The following TNKS variants were observed in gnomAD, a reference collection of about 807,000 sequenced individuals.
The protein encoded by TNKS is tankyrase.
Under a neutral mutation model 135.8 loss-of-function variants are expected in TNKS, and 72 were observed. That is an observed-to-expected ratio of 0.53 (90% CI 0.44 to 0.64). The LOEUF (loss-of-function observed/expected upper bound fraction) is 0.64, where lower values mean the gene tolerates loss of function less well. Among genes scored for constraint, TNKS ranks in the 30% least tolerant of loss-of-function variants. TNKS has a pLI of 0.00. For synonymous variants in TNKS, 849 were observed against 649.3 expected (o/e 1.31, Z -4.68); for missense variants, 1,769 against 1,674.0 (o/e 1.06, Z -0.99).
intron 3 of TNKS, among the ~76,000 whole-genome samples, chr8:9,671,989 G>T (rs1802289472): frequency 6.6e-6 from 1 of 152,150 alleles, no homozygotes; most frequent in South Asian, 2.1e-4. Context: ...TTTGTCCATA[G>T]ATCCATGCTG....
rs1808343587 is a variant in TNKS, at chr8:9,778,779, C to T, written c.*2043C>T. The T allele has an allele frequency of 1.3e-5, 2 of 152,150 alleles. No individual in the cohort carries two copies. Among genetic ancestry groups the T allele is most frequent in the African/African-American group, 2.4e-5 (1 of 41,390 alleles). The allele number at this position is 152,150 out of a possible 1,614,324, so 9.4% of individuals were successfully genotyped here. On this transcript the variant is annotated 3_prime_UTR_variant, in exon 27 of 27. Coordinates refer to ENST00000310430, the MANE Select transcript of TNKS (RefSeq NM_003747.3). Reference sequence around the variant, plus strand: ...TGTCAAGTGTGTCTTACTTACCTTCCCCCAGACGTAGTTTAAAATGGTAAA... The same window carrying T: ...TGTCAAGTGTGTCTTACTTACCTTCTCCCAGACGTAGTTTAAAATGGTAAA...
chr8:9,578,397 CAG>C (rs1563398089), intron 1 of TNKS, among the ~76,000 whole-genome samples: 2 of 152,224 alleles, frequency 1.3e-5, no homozygotes, highest in African/African-American at 4.8e-5. Flanking sequence ...AAGATGCTGA[CAG>C]TTTACTTGAG....
At chr8:9,683,898 T>C (rs1356739843) in intron 5 of TNKS, among the ~76,000 whole-genome samples, 2 of 152,002 alleles carry the variant, frequency 1.3e-5, no homozygotes, top group East Asian at 1.9e-4. Flanking sequence ...TATGCTTTTA[T>C]TTTACACATA....
intron 5 of TNKS, among the ~76,000 whole-genome samples, chr8:9,702,758 G>A (rs1803868246): frequency 6.6e-6 from 1 of 152,216 alleles, no homozygotes; most frequent in African/African-American, 2.4e-5. Context: ...GCTCACGCCT[G>A]TAATCCCAGC....
intron 5 of TNKS, among the ~76,000 whole-genome samples, chr8:9,687,604 G>C (rs1261693487): frequency 1.3e-5 from 2 of 152,178 alleles, no homozygotes; most frequent in African/African-American, 4.8e-5. Flanking sequence ...CTCTGCTGGA[G>C]AAATGAATTT....
At chr8:9,709,933 C>CT (rs756139840) in intron 9 of TNKS, 22 bp from the exon 10 acceptor site, 16 of 1,592,418 alleles carry the variant, frequency 1.0e-5, no homozygotes, top group Middle Eastern at 2.0e-4. Context: ...ATTTTATTAA[C>CT]TTGGTTTTGT....
chr8:9,759,591 T>G (rs1240048639), intron 20 of TNKS, among the ~76,000 whole-genome samples: 1 of 152,302 alleles, frequency 6.6e-6, no homozygotes, highest in Non-Finnish European at 1.5e-5. Flanking sequence ...ATATTCTCCA[T>G]TACTCCTCTA....
intron 2 of TNKS, among the ~76,000 whole-genome samples, chr8:9,589,179 T>G (rs1416888161): frequency 1.3e-5 from 2 of 152,118 alleles, no homozygotes; most frequent in African/African-American, 2.4e-5. Context: ...GAAACAATAA[T>G]CTACTTTCAC....
chr8:9,766,130 A>G (rs1807430560), intron 24 of TNKS, 109 bp from the exon 25 acceptor site: 2 of 914,614 alleles, frequency 2.2e-6, no homozygotes, highest in Non-Finnish European at 3.2e-6. Flanking sequence ...CTTTTCATTT[A>G]TACACCATTC....
chr8:9,652,132 G>T (rs751642192), intron 3 of TNKS, among the ~76,000 whole-genome samples: 3 of 152,178 alleles, frequency 2.0e-5, no homozygotes, highest in Non-Finnish European at 4.4e-5. Context: ...ACTTGAAGCT[G>T]TTAGAAGTCA....
chr8:9,556,689 T>C (rs1815327427), intron 1 of TNKS, 77 bp downstream of exon 1: 1 of 1,540,870 alleles, frequency 6.5e-7, no homozygotes, highest in Non-Finnish European at 8.9e-7. Flanking sequence ...AAACAGGTTA[T>C]TGTGATGGGA....
chr8:9,684,377 T>C (rs1245115227), intron 5 of TNKS, among the ~76,000 whole-genome samples: 1 of 152,066 alleles, frequency 6.6e-6, no homozygotes, highest in Non-Finnish European at 1.5e-5. Context: ...AAGGATACCT[T>C]TTATAATAAA....
At chr8:9,659,775 C>A (rs1020314181) in intron 3 of TNKS, among the ~76,000 whole-genome samples, 1 of 151,828 alleles carries the variant, frequency 6.6e-6, no homozygotes, top group African/African-American at 2.4e-5. Context: ...AAAAACCGTT[C>A]AAAAAAATCA....
chr8:9,595,535 G>C (rs139124087), intron 2 of TNKS, among the ~76,000 whole-genome samples: 3 of 151,844 alleles, frequency 2.0e-5, no homozygotes, highest in East Asian at 3.9e-4. Flanking sequence ...CTGTACAATA[G>C]TGGTAGATAT....
At chr8:9,668,693 A>G (rs1449359092) in intron 3 of TNKS, among the ~76,000 whole-genome samples, 4 of 152,224 alleles carry the variant, frequency 2.6e-5, no homozygotes, top group Non-Finnish European at 5.9e-5. Context: ...TTGTGGCAAG[A>G]TTTTAACAAG....
At chr8:9,766,866 G>A (rs1337672283) in intron 25 of TNKS, among the ~76,000 whole-genome samples, 1 of 152,168 alleles carries the variant, frequency 6.6e-6, no homozygotes, top group Non-Finnish European at 1.5e-5. Flanking sequence ...TTCTGGGAAT[G>A]GGTGGGAACA....
At position 9,740,826 on chromosome 8, in the gene TNKS, G is replaced by GTTTTTTTTTTTTT. The variant is rs66865048; in HGVS notation, c.2643+5348_2643+5360dup. ...TATACATTTATATGTAATTCTTGTT[G>GTTTTTTTTTTTTT]TTTTTTTTTTTTTTTTTTTTGAGAA... On this transcript the variant is annotated intron_variant, in intron 17 of 26. Coordinates refer to ENST00000310430, the MANE Select transcript of TNKS (RefSeq NM_003747.3). 1.4e-4 allele frequency: 14 copies of GTTTTTTTTTTTTT among 103,578 alleles called. 1 individual carries two copies. In the East Asian group the frequency reaches 1.6e-3, roughly 12 times the overall value. 6.4% of individuals were successfully genotyped at this position (103,578 alleles called of 1,614,324 possible).
At chr8:9,591,610 T>A (rs1477140347) in intron 2 of TNKS, among the ~76,000 whole-genome samples, 1 of 152,226 alleles carries the variant, frequency 6.6e-6, no homozygotes, top group Non-Finnish European at 1.5e-5. Context: ...TTATTTTTAT[T>A]TTTTGCTGTT....
intron 2 of TNKS, among the ~76,000 whole-genome samples, chr8:9,602,135 C>T (rs1470621600): frequency 1.3e-5 from 2 of 151,986 alleles, no homozygotes; most frequent in African/African-American, 4.8e-5. Flanking sequence ...ACATAACACA[C>T]AGGACAGCTC....
Sources: gnomAD v4.1 joint callset for allele counts (sites outside exome capture counted in the v4.1 genomes callset) on GRCh38, gnomAD v4.1.1 for gene constraint, MANE v1.5 for transcripts, NCBI Gene and HGNC (gene_info 2026-07-23, HGNC 2026-07-21) for gene names.